Variants in COL4A1 observed in about 807,000 individuals in gnomAD.
COL4A1 encodes collagen alpha-1(IV) chain.
COL4A1 carries 40 observed loss-of-function variants against 216.6 expected under a neutral mutation model. The observed-to-expected ratio is 0.18, with a 90% CI of 0.14 to 0.24. COL4A1 has a LOEUF of 0.24. Ranked by LOEUF, COL4A1 falls within the 10% of genes least tolerant of loss-of-function variation. The pLI is 1.00. For missense variants in COL4A1, 1,628 were observed against 2,196.8 expected, an observed-to-expected ratio of 0.74 and a Z score of 5.18; for synonymous variants, 839 against 810.7, an observed-to-expected ratio of 1.03 and a Z score of -0.59.
chr13:110,231,701 A>G (rs1376607669), intron 2 of COL4A1, among the ~76,000 whole-genome samples: 1 of 152,174 alleles, frequency 6.6e-6, no homozygotes, highest in Non-Finnish European at 1.5e-5. Context: ...AGGCACTGGG[A>G]TGAGTGGACA....
chr13:110,203,128 A>G (rs1879323327), intron 18 of COL4A1, among the ~76,000 whole-genome samples: 2 of 152,034 alleles, frequency 1.3e-5, no homozygotes, highest in Admixed American at 1.3e-4. Flanking sequence ...TGGGAGAATC[A>G]CTTGAACCCA....
At chr13:110,247,789 TCG>T in intron 1 of COL4A1, among the ~76,000 whole-genome samples, 1 of 91,768 alleles carries the variant, frequency 1.1e-5, no homozygotes, top group Non-Finnish European at 2.1e-5. Flanking sequence ...GCTATGCTAC[TCG>T]TGTGTGTGTG....
Position 110,160,258 on chromosome 13 carries a change from A to C in COL4A1, c.4640+934T>G, listed in dbSNP as rs546441681. On this transcript the variant is annotated intron_variant, in intron 49 of 51. Coordinates refer to ENST00000375820, the MANE Select transcript of COL4A1 (RefSeq NM_001845.6). ...GAGATCGAGACCATCCTGGCTAACA[A>C]GGTGAAACCCCGTCTCTACTAAAAA... Among the ~76,000 whole-genome samples the C allele has an allele frequency of 4.8e-5, 6 of 124,424 alleles. No individual in the cohort carries two copies. The South Asian group carries it at 1.2e-3, about 25-fold the overall frequency. 81.6% of individuals were successfully genotyped at this position (124,424 alleles called of 152,430 possible).
Position 110,161,495 on chromosome 13 carries a change from G to A in COL4A1, c.4463-126C>T. The A allele has an allele frequency of 3.5e-6, 4 of 1,155,102 alleles. 1 individual carries two copies. Among genetic ancestry groups the A allele is most frequent in the South Asian group, 2.7e-5 (2 of 75,316 alleles). The allele number at this position is 1,155,102 out of a possible 1,614,324, so 71.6% of individuals were successfully genotyped here. A position where few individuals can be genotyped will look rare whatever the true frequency, so the allele number is the denominator to read the frequency against. The stretch of plus-strand genomic sequence containing the variant: ...TCAACATAATCACTGAAATGGAAAT[G>A]TATAAAGGATTATGTAGGACATTTT... On this transcript the variant is annotated intron_variant, in intron 48 of 51. Coordinates refer to ENST00000375820, the MANE Select transcript of COL4A1 (RefSeq NM_001845.6).
At chr13:110,298,895 G>A (rs908022716) in intron 1 of COL4A1, 1 of 152,456 alleles carries the variant, frequency 6.6e-6, no homozygotes, top group East Asian at 1.9e-4. Context: ...CCCGAAGAGG[G>A]GAGAAAGCCA....
At chr13:110,160,998 T>C (rs1877057496) in intron 49 of COL4A1, 194 bp downstream of exon 49, 1 of 680,804 alleles carries the variant, frequency 1.5e-6, no homozygotes, top group Non-Finnish European at 2.5e-6. Flanking sequence ...CATGAGCCAC[T>C]GTGCCCAGCC....
At chr13:110,217,855 T>A (rs2139212107) in intron 2 of COL4A1, among the ~76,000 whole-genome samples, 1 of 152,304 alleles carries the variant, frequency 6.6e-6, no homozygotes, top group South Asian at 2.1e-4. Context: ...TGAAATAGGG[T>A]TTCATGCATG....
At chr13:110,248,100 G>T (rs1682694986) in intron 1 of COL4A1, among the ~76,000 whole-genome samples, 1 of 152,010 alleles carries the variant, frequency 6.6e-6, no homozygotes, top group Admixed American at 6.6e-5. Flanking sequence ...ATTCTTTCTC[G>T]CATTCCCTAT....
intron 1 of COL4A1, among the ~76,000 whole-genome samples, chr13:110,263,073 C>A (rs900013806): frequency 2.0e-5 from 3 of 152,198 alleles, no homozygotes; most frequent in Non-Finnish European, 4.4e-5. Flanking sequence ...CCTGTCCGCT[C>A]TCCAAACATG....
At chr13:110,182,719 C>G (rs1033880941) in intron 28 of COL4A1, among the ~76,000 whole-genome samples, 8 of 152,246 alleles carry the variant, frequency 5.3e-5, no homozygotes, top group Non-Finnish European at 1.0e-4. Context: ...AAAGCAAACA[C>G]CTGGAGGGTG....
Position 110,192,860 on chromosome 13 carries a change from G to C in COL4A1, c.1435C>G (p.Pro479Ala). Residue 479 changes from proline to alanine, a missense_variant, in exon 23 of 52, where the codon CCC becomes GCC. Physicochemically the swap from Pro to Ala is conservative, Grantham distance 27. Coordinates refer to ENST00000375820, the MANE Select transcript of COL4A1 (RefSeq NM_001845.6). ...ICDIDGYRGP[P>A]GPQGPPGEIG... ...TCTCCCGGGGGTCCCTGTGGCCCGG[G>C]AGGCCCCCGATATCCGTCTATATCA... 1 of 1,614,062 alleles carries C rather than the reference G, an allele frequency of 6.2e-7. No homozygotes were observed. Among genetic ancestry groups the C allele is most frequent in the Non-Finnish European group, 8.5e-7 (1 of 1,179,990 alleles).
At chr13:110,155,137 T>C in intron 50 of COL4A1, 146 bp downstream of exon 50, 2 of 727,796 alleles carry the variant, frequency 2.7e-6, no homozygotes, top group Non-Finnish European at 5.0e-6. Context: ...TGAGGCATGC[T>C]TTGGAAGGGG....
intron 2 of COL4A1, among the ~76,000 whole-genome samples, chr13:110,238,325 A>C (rs866476336): frequency 1.3e-4 from 20 of 152,174 alleles, no homozygotes; most frequent in Admixed American, 4.6e-4. Context: ...CCCTTTTTGG[A>C]GTCACTATAG....
intron 24 of COL4A1, among the ~76,000 whole-genome samples, chr13:110,188,710 G>A (rs964579638): frequency 2.6e-5 from 4 of 152,202 alleles, no homozygotes; most frequent in Non-Finnish European, 5.9e-5. Flanking sequence ...GGAGAGGTGG[G>A]GCTTGAAGGA....
chr13:110,230,735 C>T (rs368655964), intron 2 of COL4A1, among the ~76,000 whole-genome samples: 3 of 152,224 alleles, frequency 2.0e-5, no homozygotes, highest in South Asian at 2.1e-4. Flanking sequence ...CTGGAAGTCC[C>T]CCCGTGGTAT....
intron 1 of COL4A1, among the ~76,000 whole-genome samples, chr13:110,282,995 G>GAGGCCC (rs1324522904): frequency 2.0e-5 from 3 of 152,196 alleles, no homozygotes; most frequent in African/African-American, 7.2e-5. Context: ...AGGTGCCCCT[G>GAGGCCC]AGGCCCTGGG....
At position 110,268,792 on chromosome 13, in the gene COL4A1, A is replaced by C. The variant is rs1883137243; in HGVS notation, c.85-26058T>G. 6.6e-6 allele frequency among the ~76,000 whole-genome samples: 1 copy of C among 152,214 alleles called. No homozygotes were observed. Among genetic ancestry groups the C allele is most frequent in the Non-Finnish European group, 1.5e-5 (1 of 68,040 alleles). On this transcript the variant is annotated intron_variant, in intron 1 of 51. Coordinates refer to ENST00000375820, the MANE Select transcript of COL4A1 (RefSeq NM_001845.6). This position sits in a 1 kb window ranked among gnomAD's most constrained non-coding sequence, Gnocchi z 4.1. ...CACACGCCTGGCACGTGGGAGGCTC[A>C]ACAAATCTGACTCTGTCATCCGCCC...
At chr13:110,266,155 A>G (rs1433878933) in intron 1 of COL4A1, 1 of 152,274 alleles carries the variant, frequency 6.6e-6, no homozygotes, top group Non-Finnish European at 1.5e-5. Context: ...GGGAAACTGC[A>G]CACAGCGAAA....
intron 1 of COL4A1, among the ~76,000 whole-genome samples, chr13:110,272,486 C>T (rs559531256): frequency 2.0e-5 from 3 of 152,238 alleles, no homozygotes; most frequent in Admixed American, 1.3e-4. Flanking sequence ...ATGCATGTAG[C>T]GCAGATCACC....
Sources: allele counts gnomAD v4.1 joint callset (sites outside exome capture counted in the v4.1 genomes callset), GRCh38; gene constraint gnomAD v4.1.1; non-coding constraint Gnocchi (gnomAD v3.1); transcripts MANE v1.5; gene names NCBI Gene and HGNC (gene_info 2026-07-23, HGNC 2026-07-21).